ZBTB38: variants seen among roughly 807,000 people sequenced by gnomAD.
ZBTB38 encodes the protein zinc finger and BTB domain-containing protein 38.
In ZBTB38, 20 loss-of-function variants were observed where a neutral mutation model predicts 76.8. The ratio of observed to expected loss-of-function variants is 0.26; its 90% CI spans 0.18 to 0.38. ZBTB38 has a LOEUF of 0.38. Ranked by LOEUF, ZBTB38 falls within the 10% of genes least tolerant of loss-of-function variation. The pLI, the probability that ZBTB38 is intolerant of heterozygous loss-of-function variation, is 1.00. For synonymous variants in ZBTB38, 504 were observed against 544.2 expected (o/e 0.93, Z 1.03); for missense variants, 1,082 against 1,482.3 (o/e 0.73, Z 4.43).
At chr3:141,436,936 G>C (rs887536634) in intron 5 of ZBTB38, among the ~76,000 whole-genome samples, 5 of 152,196 alleles carry the variant, frequency 3.3e-5, no homozygotes, top group African/African-American at 1.2e-4. Flanking sequence ...GCCTCCTTTG[G>C]TCTGCAGATT....
chr3:141,362,640 A>G (rs1378851258), intron 1 of ZBTB38, among the ~76,000 whole-genome samples: 2 of 116,312 alleles, frequency 1.7e-5, no homozygotes, highest in Non-Finnish European at 3.4e-5. Flanking sequence ...GCCCCAACAG[A>G]AGAAGAACTG....
At chr3:141,333,904 G>T (rs1367839797) in intron 1 of ZBTB38, among the ~76,000 whole-genome samples, 1 of 151,480 alleles carries the variant, frequency 6.6e-6, no homozygotes, top group Admixed American at 6.6e-5. Context: ...GTGGAATCTG[G>T]TTGGCCAATT....
At chr3:141,385,090 T>C (rs1946764866) in intron 3 of ZBTB38, among the ~76,000 whole-genome samples, 1 of 152,174 alleles carries the variant, frequency 6.6e-6, no homozygotes, top group Admixed American at 6.5e-5. Flanking sequence ...TCTGGGGAGC[T>C]TCAATGTGTT....
At position 141,442,586 on chromosome 3, in the gene ZBTB38, A is replaced by G; in HGVS notation, c.198A>G (p.Thr66=). 6.2e-7 allele frequency: 1 copy of G among 1,614,204 alleles called. No individual in the cohort carries two copies. Among genetic ancestry groups the G allele is most frequent in the East Asian group, 2.2e-5 (1 of 44,894 alleles). The change falls in exon 6 of 6, where the codon ACA becomes ACG. Residue 66 remains threonine (T), a synonymous_variant. Transcript: ENST00000321464. This position sits in a 1 kb window ranked among gnomAD's most constrained non-coding sequence, Gnocchi z 6.4. ...LYFKNIFWSH[T]ICISSHVLEL... The stretch of plus-strand genomic sequence containing the variant: ...TTAAAAATATCTTTTGGAGCCATAC[A>G]ATCTGTATTTCCAGCCACGTCCTGG...
At position 141,447,892 on chromosome 3, in the gene ZBTB38, A is replaced by G. The variant is rs1226467199; in HGVS notation, c.*1916A>G. The stretch of plus-strand genomic sequence containing the variant: ...TGTTCATCTACTTTCACTTACATAC[A>G]GTATTATATAAGTAGAGAAAAATGG... On this transcript the variant is annotated 3_prime_UTR_variant, in exon 6 of 6. Coordinates refer to ENST00000321464, the MANE Select transcript of ZBTB38 (RefSeq NM_001376113.1). 6.6e-6 allele frequency: 1 copy of G among 152,654 alleles called. No individual in the cohort carries two copies. The highest frequency in any genetic ancestry group is 1.5e-5 in the Non-Finnish European group (1 of 68,038). The allele number at this position is 152,654 out of a possible 1,614,324, so 9.5% of individuals were successfully genotyped here.
At chr3:141,390,715 T>C (rs1010500583) in intron 4 of ZBTB38, among the ~76,000 whole-genome samples, 1 of 152,202 alleles carries the variant, frequency 6.6e-6, no homozygotes, top group South Asian at 2.1e-4. Flanking sequence ...GCTCTCTTGG[T>C]AAATAAACAG....
chr3:141,347,192 T>C (rs535987670), intron 1 of ZBTB38, among the ~76,000 whole-genome samples: 1 of 152,328 alleles, frequency 6.6e-6, no homozygotes, highest in South Asian at 2.1e-4. Context: ...TCTTAGACTC[T>C]ATGCTCCTAG....
chr3:141,365,607 G>T (rs953784425), upstream of ZBTB38, among the ~76,000 whole-genome samples: 1 of 152,150 alleles, frequency 6.6e-6, no homozygotes, highest in South Asian at 2.1e-4. Flanking sequence ...TTCAACATGA[G>T]TTTTGGAGAG....
intron 1 of ZBTB38, among the ~76,000 whole-genome samples, chr3:141,340,992 G>GAT: frequency 1.2e-5 from 1 of 80,082 alleles, no homozygotes; most frequent in African/African-American, 4.2e-5. Flanking sequence ...GAAAGAAAGA[G>GAT]AAAGAAGAAA....
chr3:141,368,527 T>A lies in ZBTB38; in HGVS notation c.-587T>A, dbSNP rs1299169433. The A allele has an allele frequency of 6.6e-6, 1 of 152,296 alleles. No homozygotes were observed. Among genetic ancestry groups the A allele is most frequent in the African/African-American group, 2.4e-5 (1 of 41,416 alleles). 9.4% of individuals were successfully genotyped at this position (152,296 alleles called of 1,614,324 possible). ...CTAGTTGGGGAGTGGCACTCGCAGC[T>A]GCAGCAAATCTCAAAATAAAGAGGC... On this transcript the variant is annotated 5_prime_UTR_variant, in exon 1 of 6. Transcript: ENST00000321464.
chr3:141,339,282 C>A (rs1268832000), intron 1 of ZBTB38, among the ~76,000 whole-genome samples: 11 of 152,220 alleles, frequency 7.2e-5, no homozygotes, highest in Non-Finnish European at 1.2e-4. Flanking sequence ...TTGAACTGTT[C>A]TAGGCCTAAC....
chr3:141,442,526 C>T lies in ZBTB38; in HGVS notation c.138C>T (p.Ala46=). ...TTGTGGAAGATACCAAATTTAAAGC[C>T]CATAGCAATGTTCTGGCAGCTTCAA... ...TIIVEDTKFK[A]HSNVLAASSL... The change falls in exon 6 of 6, where the codon GCC becomes GCT. Residue 46 remains alanine (A), a synonymous_variant. Transcript: ENST00000321464. This position sits in a 1 kb window ranked among gnomAD's most constrained non-coding sequence, Gnocchi z 6.4. 6.2e-7 allele frequency: 1 copy of T among 1,614,152 alleles called. No homozygotes were observed. The highest frequency in any genetic ancestry group is 8.5e-7 in the Non-Finnish European group (1 of 1,180,028).
chr3:141,329,676 A>G (rs993589762), intron 1 of ZBTB38, among the ~76,000 whole-genome samples: 5 of 152,334 alleles, frequency 3.3e-5, no homozygotes, highest in African/African-American at 9.6e-5. Context: ...TAATTTTCTC[A>G]TCTTGTAAAA....
At chr3:141,349,959 T>C (rs1393790613) in intron 1 of ZBTB38, among the ~76,000 whole-genome samples, 1 of 152,170 alleles carries the variant, frequency 6.6e-6, no homozygotes, top group African/African-American at 2.4e-5. Flanking sequence ...AAAATATCTC[T>C]ATATATTTTT....
intron 5 of ZBTB38, among the ~76,000 whole-genome samples, chr3:141,422,242 G>A (rs1026023067): frequency 1.3e-5 from 2 of 152,188 alleles, no homozygotes; most frequent in African/African-American, 4.8e-5. Context: ...GACAGCAGAG[G>A]CCTCCTGGGT....
Position 141,352,635 on chromosome 3 carries a change from G to A in ZBTB38, c.-738-15986G>A, listed in dbSNP as rs552675568. ...ACTGGGGGAGAACTTAAAGCAAAAT[G>A]AATTATAGGCATAATACATGACAAA... On this transcript the variant is annotated intron_variant, in intron 1 of 7. Transcript: ENST00000509842. Among the ~76,000 whole-genome samples the A allele has an allele frequency of 5.3e-5, 8 of 152,212 alleles. No individual in the cohort carries two copies. In the South Asian group the frequency reaches 1.7e-3, roughly 32 times the overall value.
chr3:141,327,213 A>G (rs1379936994), intron 1 of ZBTB38, among the ~76,000 whole-genome samples: 1 of 152,218 alleles, frequency 6.6e-6, no homozygotes, highest in Admixed American at 6.5e-5. Context: ...TCTTTCCTCA[A>G]GAAGGTGGGG....
intron 4 of ZBTB38, among the ~76,000 whole-genome samples, chr3:141,390,705 GCT>G (rs979267932): frequency 7.9e-5 from 12 of 152,302 alleles, no homozygotes; most frequent in African/African-American, 2.6e-4. Context: ...GTTCTTAACA[GCT>G]CTCTTGGTAA....
intron 4 of ZBTB38, among the ~76,000 whole-genome samples, chr3:141,393,755 A>G (rs889760852): frequency 6.6e-6 from 1 of 151,550 alleles, no homozygotes; most frequent in South Asian, 2.1e-4. Flanking sequence ...GGAACAAGGT[A>G]CCAGGGAGAA....
Sources: gnomAD v4.1 joint callset for allele counts (sites outside exome capture counted in the v4.1 genomes callset) on GRCh38, gnomAD v4.1.1 for gene constraint, Gnocchi (gnomAD v3.1) non-coding constraint, MANE v1.5 for transcripts, NCBI Gene and HGNC (gene_info 2026-07-23, HGNC 2026-07-21) for gene names.